SFI1: variants seen among roughly 807,000 people sequenced by gnomAD.
SFI1 encodes SFI1 centrin binding protein.
A neutral mutation model predicts 207.5 loss-of-function variants in SFI1; 195 were observed. That is an observed-to-expected ratio of 0.94 (90% confidence interval 0.84 to 1.06). The LOEUF is 1.06. Ranked by LOEUF, SFI1 falls within the 50% of genes least tolerant of loss-of-function variation. SFI1 has a pLI of 0.00. For missense variants in SFI1, 1,634 were observed against 1,588.0 expected, an observed-to-expected ratio of 1.03 and a Z score of -0.49; for synonymous variants, 630 against 598.9, an observed-to-expected ratio of 1.05 and a Z score of -0.76.
At chr22:31,602,998 T>C (rs1455227729) in intron 17 of SFI1, among the ~76,000 whole-genome samples, 3 of 152,198 alleles carry the variant, frequency 2.0e-5, no homozygotes, top group African/African-American at 7.2e-5. Context: ...TTTGGGAGGC[T>C]GAGGCGGGCA....
At chr22:31,604,824 A>G in intron 19 of SFI1, 45 bp from the exon 20 acceptor site, 1 of 1,558,646 alleles carries the variant, frequency 6.4e-7, no homozygotes, top group Non-Finnish European at 8.8e-7. Context: ...AAACAGGGGG[A>G]AGTGTGGGCC....
intron 14 of SFI1, among the ~76,000 whole-genome samples, chr22:31,585,479 A>C (rs2064909130): frequency 6.6e-6 from 1 of 152,224 alleles, no homozygotes; most frequent in Non-Finnish European, 1.5e-5. Context: ...GCAGAGCATA[A>C]GTGCTGCATC....
At position 31,582,202 on chromosome 22, in the gene SFI1, CATTTTATATATATATATATATA is replaced by C. The variant is rs1223515851; in HGVS notation, c.1249-1672_1249-1651del. On this transcript the variant is annotated intron_variant, in intron 12 of 32. Coordinates refer to ENST00000400288, the MANE Select transcript of SFI1 (RefSeq NM_001007467.3). ...TTCCCCCAACAACACTTCTTTATTA[CATTTTATATATATATATATATA>C]TATATATATATATTTTTTTTTTTTT... is the stretch of plus-strand genomic sequence containing the variant. Among the ~76,000 whole-genome samples the C allele has an allele frequency of 3.5e-4, 15 of 42,472 alleles. 1 individual carries two copies. Among genetic ancestry groups the C allele is most frequent in the East Asian group, 1.0e-3 (1 of 962 alleles). The allele number at this position is 42,472 out of a possible 152,430, so 27.9% of individuals were successfully genotyped here.
intron 7 of SFI1, among the ~76,000 whole-genome samples, chr22:31,560,715 T>C (rs2061610716): frequency 6.7e-6 from 1 of 150,350 alleles, no homozygotes; most frequent in South Asian, 2.1e-4. Context: ...TTTTTTTTTT[T>C]TCCCGAGATG....
intron 4 of SFI1, among the ~76,000 whole-genome samples, chr22:31,541,743 CAAAAAAA>C (rs71673219): frequency 2.3e-5 from 2 of 86,230 alleles, no homozygotes; most frequent in East Asian, 3.2e-4. Flanking sequence ...GACTCCATCT[CAAAAAAA>C]AAAAAAAAAA....
intron 4 of SFI1, among the ~76,000 whole-genome samples, chr22:31,543,161 G>A (rs1353251339): frequency 6.6e-6 from 1 of 151,486 alleles, no homozygotes; most frequent in Non-Finnish European, 1.5e-5. Flanking sequence ...TAATAGAGAT[G>A]GGGTTTCACC....
At chr22:31,599,490 C>A (rs1387051891) in intron 15 of SFI1, among the ~76,000 whole-genome samples, 1 of 152,140 alleles carries the variant, frequency 6.6e-6, no homozygotes, top group Non-Finnish European at 1.5e-5. Flanking sequence ...CCACGCCCAG[C>A]TAATTTTTGT....
chr22:31,561,801 G>A (rs765462759), intron 8 of SFI1, among the ~76,000 whole-genome samples: 15 of 152,194 alleles, frequency 9.9e-5, no homozygotes, highest in Admixed American at 2.6e-4. Flanking sequence ...TTGTCTTAGA[G>A]TGTTCTTTTA....
intron 8 of SFI1, among the ~76,000 whole-genome samples, chr22:31,563,210 T>C (rs62237768): frequency 0.057 from 8,688 of 151,648 alleles, 235 homozygotes; most frequent in Non-Finnish European, 0.066. Context: ...CCAGGGTGGT[T>C]GCTAACTCCT....
chr22:31,613,418 C>G lies in SFI1; in HGVS notation c.2630C>G (p.Ala877Gly), dbSNP rs756654178. The change falls in exon 26 of 33, where the codon GCG becomes GGG. Residue 877 changes from alanine to glycine, a missense_variant. Transcript: ENST00000400288. ...AGAAAGAAGGCGCGGCTGCAGTGGG[C>G]GCTCCAGGCCTACCAGGGGCAGCTC... ...RRRKKARLQW[A>G]LQAYQGQLLQ... 1 of 1,610,320 alleles carries G rather than the reference C, an allele frequency of 6.2e-7. No individual in the cohort carries two copies. Among genetic ancestry groups the G allele is most frequent in the Non-Finnish European group, 8.5e-7 (1 of 1,179,742 alleles).
At chr22:31,609,156 G>A (rs1424944035) in intron 22 of SFI1, among the ~76,000 whole-genome samples, 2 of 151,958 alleles carry the variant, frequency 1.3e-5, no homozygotes, top group African/African-American at 4.8e-5. Flanking sequence ...GTGCCACCAC[G>A]CCAGGCTAAT....
intron 2 of SFI1, among the ~76,000 whole-genome samples, chr22:31,509,578 C>T (rs62236231): frequency 0.043 from 6,525 of 152,246 alleles, 128 homozygotes; most frequent in African/African-American, 0.049. Context: ...ATGGTGCCCA[C>T]CCACATTGTG....
At chr22:31,542,430 C>A (rs1280162583) in intron 4 of SFI1, among the ~76,000 whole-genome samples, 1 of 151,624 alleles carries the variant, frequency 6.6e-6, no homozygotes. Flanking sequence ...GAGTTCAAGC[C>A]CAGCCTGGCC....
rs2072203440 is a variant in SFI1, at chr22:31,618,361, C to T, written c.3672C>T (p.Arg1224=). ...TGGCAGAGGAGCTCCAGGCTCAGCG[C>T]CAGCCCATTGGCGCCTGCGTTGCCC... ...QLLAEELQAQ[R]QPIGACVARI... Residue 1224 remains arginine, a synonymous_variant, in exon 33 of 33, where the codon CGC becomes CGT. Coordinates refer to ENST00000400288, the MANE Select transcript of SFI1 (RefSeq NM_001007467.3). The T allele has an allele frequency of 6.2e-7, 1 of 1,608,738 alleles. No individual in the cohort carries two copies. The highest frequency in any genetic ancestry group is 1.3e-5 in the African/African-American group (1 of 74,982).
intron 15 of SFI1, among the ~76,000 whole-genome samples, chr22:31,596,177 C>T (rs2067078031): frequency 6.6e-6 from 1 of 152,144 alleles, no homozygotes; most frequent in Non-Finnish European, 1.5e-5. Context: ...CACTTTAACC[C>T]AGGAGGCAGA....
intron 15 of SFI1, among the ~76,000 whole-genome samples, chr22:31,594,984 AATTTATTT>A (rs890792462): frequency 3.3e-5 from 5 of 151,430 alleles, no homozygotes; most frequent in Non-Finnish European, 7.4e-5. Flanking sequence ...AAATAATAAT[AATTTATTT>A]ATTTATTTAT....
chr22:31,551,639 C>T (rs2060633950), intron 6 of SFI1, among the ~76,000 whole-genome samples: 1 of 152,160 alleles, frequency 6.6e-6, no homozygotes, highest in African/African-American at 2.4e-5. Context: ...CCATGTTGCC[C>T]AGGCTGGTTT....
Position 31,616,767 on chromosome 22 carries a change from C to T in SFI1, c.3323C>T (p.Pro1108Leu). Reference protein sequence around the residue: ...PARVSAQRATPRDKPPVPSSL... With the variant: ...PARVSAQRATLRDKPPVPSSL... ...CAGGTGTCAGCACAGCGGGCTACTC[C>T]TAGGGATAAGCCCCCGGTCCCCTCA... Residue 1108 changes from proline to leucine, a missense_variant, in exon 30 of 33, where the codon CCT (proline) becomes CTT (leucine). Physicochemically the swap from Pro to Leu is moderately conservative, Grantham distance 98. Coordinates refer to ENST00000400288, the MANE Select transcript of SFI1 (RefSeq NM_001007467.3). The T allele has an allele frequency of 6.3e-7, 1 of 1,577,244 alleles. No individual in the cohort carries two copies. The highest frequency in any genetic ancestry group is 8.6e-7 in the Non-Finnish European group (1 of 1,164,472).
intron 8 of SFI1, among the ~76,000 whole-genome samples, chr22:31,572,503 C>CTTGTTT (rs755894608): frequency 3.1e-3 from 466 of 151,922 alleles, no homozygotes; most frequent in African/African-American, 0.011. Flanking sequence ...TCCTTGTCTG[C>CTTGTTT]TTGTTTTTGT....
Sources: gnomAD v4.1 joint callset for allele counts (sites outside exome capture counted in the v4.1 genomes callset) on GRCh38, gnomAD v4.1.1 for gene constraint, MANE v1.5 for transcripts, NCBI Gene and HGNC (gene_info 2026-07-23, HGNC 2026-07-21) for gene names.